The following KIF1B variants were observed in gnomAD, a reference collection of about 807,000 sequenced individuals.
The protein encoded by KIF1B is kinesin family member 1B, also known as kinesin-like protein KIF1B.
In KIF1B, 76 loss-of-function variants were observed where a neutral mutation model predicts 241.9. That is an observed-to-expected ratio of 0.31 (90% CI 0.26 to 0.38). The LOEUF is 0.38. Ranked by LOEUF, KIF1B falls within the 10% of genes least tolerant of loss-of-function variation. KIF1B has a pLI of 1.00. For synonymous variants in KIF1B, 750 were observed against 796.7 expected, an observed-to-expected ratio of 0.94 and a Z score of 0.99; for missense variants, 1,622 against 2,271.4, an observed-to-expected ratio of 0.71 and a Z score of 5.81.
chr1:10,297,393 T>G, intron 22 of KIF1B, 147 bp downstream of exon 22: 1 of 818,576 alleles, frequency 1.2e-6, no homozygotes, highest in Non-Finnish European at 2.1e-6. Context: ...GAGAATGAAC[T>G]TAAATCTCCC....
At chr1:10,362,503 GA>G (rs79052867) in intron 40 of KIF1B, among the ~76,000 whole-genome samples, 2,891 of 119,110 alleles carry the variant, frequency 0.024, 39 homozygotes, top group Non-Finnish European at 0.036. Flanking sequence ...AAAGAAAAAG[GA>G]AAAAAAAAAA....
At chr1:10,244,804 G>A (rs563875268) in intron 2 of KIF1B, among the ~76,000 whole-genome samples, 57 of 148,758 alleles carry the variant, frequency 3.8e-4, no homozygotes, top group Admixed American at 1.3e-3. Flanking sequence ...AGTAGAGACG[G>A]GGTTTCACTG....
chr1:10,322,726 A>T (rs1651572108), intron 24 of KIF1B, among the ~76,000 whole-genome samples: 1 of 152,164 alleles, frequency 6.6e-6, no homozygotes, highest in African/African-American at 2.4e-5. Context: ...TCATTTTATA[A>T]TTATTTATTA....
At chr1:10,310,493 A>G (rs1651020423) in intron 22 of KIF1B, among the ~76,000 whole-genome samples, 1 of 151,702 alleles carries the variant, frequency 6.6e-6, no homozygotes, top group South Asian at 2.1e-4. Flanking sequence ...GAAAGCAGCC[A>G]TAGACAATAT....
intron 2 of KIF1B, among the ~76,000 whole-genome samples, chr1:10,255,945 A>G (rs931750585): frequency 1.3e-5 from 2 of 149,146 alleles, no homozygotes; most frequent in Admixed American, 1.3e-4. Context: ...ATGTGCCACC[A>G]TGCCCAGCTA....
chr1:10,273,934 CTTTTTTTTTT>C (rs35845856), intron 10 of KIF1B, among the ~76,000 whole-genome samples: 2,520 of 116,792 alleles, frequency 0.022, 93 homozygotes, highest in African/African-American at 0.076. Context: ...TTAGTAGCTT[CTTTTTTTTTT>C]TTTTTTTTTG....
rs199580932 is a variant in KIF1B at position 10,303,145 on chromosome 1, G to T, written c.2115+5899G>T. 1.5e-4 allele frequency: 243 copies of T among 1,589,888 alleles called. 1 individual carries two copies. The highest frequency in any genetic ancestry group is 3.4e-4 in the Middle Eastern group (2 of 5,916). ...TTTGGTTATTTTGGGGCCATTTTTTGATTTTGTTTTTCCAAAGGACGCGGA... is the reference window on the plus strand; with the variant it reads ...TTTGGTTATTTTGGGGCCATTTTTTTATTTTGTTTTTCCAAAGGACGCGGA... On this transcript the variant is annotated intron_variant, in intron 22 of 48. Transcript: ENST00000676179. The surrounding 1 kb of genome is among the most constrained non-coding windows in gnomAD (Gnocchi z 5.2).
Position 10,374,977 on chromosome 1 carries a change from G to A in KIF1B, c.5220G>A (p.Val1740=). ...TCTATAACAGTGACAAAGACCCTGT[G>A]GAGCGTGGAATCATTAACCTGTCCA... ...VFIYNSDKDP[V]ERGIINLSTA... The change falls in exon 47 of 49, where the codon GTG becomes GTA. Residue 1740 remains valine (V), a synonymous_variant. Coordinates refer to ENST00000676179, the MANE Select transcript of KIF1B (RefSeq NM_001365951.3). This position sits in a 1 kb window ranked among gnomAD's most constrained non-coding sequence, Gnocchi z 4.3. 3.1e-6 allele frequency: 5 copies of A among 1,614,136 alleles called. No individual in the cohort carries two copies. Among genetic ancestry groups the A allele is most frequent in the Non-Finnish European group, 4.2e-6 (5 of 1,180,004 alleles).
intron 15 of KIF1B, 119 bp downstream of exon 15, chr1:10,282,652 T>G: frequency 1.2e-6 from 1 of 860,484 alleles, no homozygotes; most frequent in Non-Finnish European, 1.9e-6. Context: ...CTCTTAGAAG[T>G]GTCCTGAAAA....
At chr1:10,299,857 A>T (rs1343336784) in intron 22 of KIF1B, among the ~76,000 whole-genome samples, 4 of 152,174 alleles carry the variant, frequency 2.6e-5, no homozygotes, top group Non-Finnish European at 5.9e-5. Flanking sequence ...TTTGGCATTT[A>T]ATGAAAGCCG....
chr1:10,344,254 C>G (rs1652507392), intron 34 of KIF1B, among the ~76,000 whole-genome samples: 1 of 152,202 alleles, frequency 6.6e-6, no homozygotes, highest in Non-Finnish European at 1.5e-5. Flanking sequence ...TCTGCCAGTT[C>G]CCAGCTGCCA....
rs754969112 is a variant in KIF1B, at chr1:10,303,893, G to A, written c.2115+6647G>A. Reference sequence around the variant, plus strand: ...AATGGAGAACTTGCAAAAGAAGAACGTGTTTCCCAGCTGATGAATGGGGAT... The same window carrying A: ...AATGGAGAACTTGCAAAAGAAGAACATGTTTCCCAGCTGATGAATGGGGAT... On this transcript the variant is annotated intron_variant, in intron 22 of 48. Coordinates refer to ENST00000676179, the MANE Select transcript of KIF1B (RefSeq NM_001365951.3). This position sits in a 1 kb window ranked among gnomAD's most constrained non-coding sequence, Gnocchi z 5.2. The A allele has an allele frequency of 6.2e-6, 10 of 1,614,184 alleles. No individual in the cohort carries two copies. Among genetic ancestry groups the A allele is most frequent in the South Asian group, 4.4e-5 (4 of 91,084 alleles).
intron 19 of KIF1B, 126 bp from the exon 20 acceptor site, chr1:10,296,456 C>G: frequency 1.3e-6 from 1 of 797,452 alleles, no homozygotes; most frequent in Non-Finnish European, 2.1e-6. Flanking sequence ...GTATAGACAA[C>G]TTCAGCCACT....
Position 10,272,866 on chromosome 1 carries a change from C to CT in KIF1B, c.865-143dup, listed in dbSNP as rs1256745353. ...TGTGTTCTAGTTTAGTTTAAAACCT[C>CT]TTTTTAATTGCTAAGAAGAATGAAA... On this transcript the variant is annotated intron_variant, in intron 9 of 48. Coordinates refer to ENST00000676179, the MANE Select transcript of KIF1B (RefSeq NM_001365951.3). 1.5e-5 allele frequency: 9 copies of CT among 612,030 alleles called. 1 individual carries two copies. Among genetic ancestry groups the CT allele is most frequent in the Non-Finnish European group, 2.0e-5 (7 of 354,948 alleles). 37.9% of individuals were successfully genotyped at this position (612,030 alleles called of 1,614,324 possible). A position where few individuals can be genotyped will look rare whatever the true frequency, so the allele number is the denominator to read the frequency against.
chr1:10,280,236 T>C (rs1649338497), intron 14 of KIF1B, among the ~76,000 whole-genome samples: 1 of 152,084 alleles, frequency 6.6e-6, no homozygotes, highest in South Asian at 2.1e-4. Context: ...TTTTTTTTTC[T>C]TTTTTCTTTT....
At chr1:10,217,119 G>A (rs183853740) in intron 1 of KIF1B, among the ~76,000 whole-genome samples, 12 of 150,960 alleles carry the variant, frequency 7.9e-5, no homozygotes, top group African/African-American at 1.5e-4. Flanking sequence ...GATTACAAAC[G>A]TGTGCCACCA....
At chr1:10,236,728 C>T (rs1311969544) in intron 2 of KIF1B, among the ~76,000 whole-genome samples, 1 of 151,866 alleles carries the variant, frequency 6.6e-6, no homozygotes, top group Non-Finnish European at 1.5e-5. Flanking sequence ...CCTTCTATGG[C>T]AATTTCTTAG....
intron 2 of KIF1B, among the ~76,000 whole-genome samples, chr1:10,234,513 TTTTG>T (rs35282199): frequency 7.3e-5 from 11 of 150,674 alleles, no homozygotes; most frequent in East Asian, 2.0e-4. Context: ...TGGCTGTTTT[TTTTG>T]TTTGTTTTTT....
chr1:10,219,228 G>C (rs1315812962), intron 1 of KIF1B, among the ~76,000 whole-genome samples: 1 of 151,912 alleles, frequency 6.6e-6, no homozygotes, highest in Non-Finnish European at 1.5e-5. Flanking sequence ...TTGGGAGGCC[G>C]AGGCTGGTGC....
Sources: allele counts gnomAD v4.1 joint callset (sites outside exome capture counted in the v4.1 genomes callset), GRCh38; gene constraint gnomAD v4.1.1; non-coding constraint Gnocchi (gnomAD v3.1); transcripts MANE v1.5; gene names NCBI Gene and HGNC (gene_info 2026-07-23, HGNC 2026-07-21).